LARS2: variants seen among roughly 807,000 people sequenced by gnomAD.
LARS2 encodes the protein leucyl-tRNA synthetase 2, mitochondrial.
LARS2 carries 81 observed loss-of-function variants against 116.6 expected under a neutral mutation model. That is an observed-to-expected ratio of 0.69 (90% CI 0.58 to 0.84). LARS2 has a LOEUF of 0.84. Ranked by LOEUF, LARS2 falls within the 40% of genes least tolerant of loss-of-function variation. LARS2 has a pLI of 0.00. For missense variants in LARS2, 968 were observed against 1,114.5 expected (o/e 0.87, Z 1.87); for synonymous variants, 396 against 407.2 (o/e 0.97, Z 0.33).
At chr3:45,497,695 T>C (rs1160034233) in intron 14 of LARS2, among the ~76,000 whole-genome samples, 1 of 151,888 alleles carries the variant, frequency 6.6e-6, no homozygotes, top group East Asian at 1.9e-4. Flanking sequence ...TCACCTGAGG[T>C]CAGGAGTTGG....
At chr3:45,464,197 T>C (rs1384516700) in intron 8 of LARS2, among the ~76,000 whole-genome samples, 3 of 152,008 alleles carry the variant, frequency 2.0e-5, no homozygotes, top group Non-Finnish European at 4.4e-5. Flanking sequence ...CATGCACACA[T>C]GGGGCTGGAG....
intron 13 of LARS2, among the ~76,000 whole-genome samples, chr3:45,493,367 G>T (rs1284310722): frequency 6.6e-6 from 1 of 152,180 alleles, no homozygotes; most frequent in Middle Eastern, 3.2e-3. Context: ...CCAAAGTGCT[G>T]GGATTACAGG....
chr3:45,514,179 C>G (rs1700336158), intron 16 of LARS2, among the ~76,000 whole-genome samples: 1 of 151,570 alleles, frequency 6.6e-6, no homozygotes, highest in Admixed American at 6.6e-5. Flanking sequence ...GCACTCCAGC[C>G]TGGGCAACAG....
At chr3:45,401,327 C>A (rs1167247745) in intron 4 of LARS2, among the ~76,000 whole-genome samples, 1 of 151,876 alleles carries the variant, frequency 6.6e-6, no homozygotes, top group African/African-American at 2.4e-5. Context: ...TGTAGCAAAA[C>A]CCTGTCTCCA....
intron 6 of LARS2, among the ~76,000 whole-genome samples, chr3:45,439,360 A>G (rs1255460585): frequency 1.3e-5 from 2 of 151,794 alleles, no homozygotes; most frequent in Admixed American, 1.3e-4. Flanking sequence ...AGCTGGGATT[A>G]CAGGCGCCCA....
intron 17 of LARS2, among the ~76,000 whole-genome samples, chr3:45,516,865 C>T (rs1700375880): frequency 6.6e-6 from 1 of 152,074 alleles, no homozygotes; most frequent in Non-Finnish European, 1.5e-5. Flanking sequence ...TTGTTTAGTA[C>T]TAAAATGACA....
chr3:45,468,587 A>G (rs1699473308), intron 8 of LARS2, among the ~76,000 whole-genome samples: 1 of 152,192 alleles, frequency 6.6e-6, no homozygotes. Context: ...TTTGGCCTTC[A>G]TCGTCTGCAT....
chr3:45,494,382 GC>G (rs1440630760), intron 13 of LARS2, among the ~76,000 whole-genome samples: 1 of 152,140 alleles, frequency 6.6e-6, no homozygotes, highest in African/African-American at 2.4e-5. Context: ...ATACACTCAA[GC>G]CCATACATGC....
chr3:45,435,915 T>A (rs1225289547), intron 6 of LARS2, among the ~76,000 whole-genome samples: 1 of 152,036 alleles, frequency 6.6e-6, no homozygotes, highest in Non-Finnish European at 1.5e-5. Flanking sequence ...AAGTAGAAGA[T>A]CAGCATGTGT....
intron 3 of LARS2, among the ~76,000 whole-genome samples, chr3:45,394,888 G>A (rs117629080): frequency 6.6e-6 from 1 of 152,172 alleles, no homozygotes; most frequent in African/African-American, 2.4e-5. Context: ...AGGGGTAAAT[G>A]GATTGGGAGG....
chr3:45,442,660 G>C (rs1698932579), intron 6 of LARS2, among the ~76,000 whole-genome samples: 1 of 152,224 alleles, frequency 6.6e-6, no homozygotes, highest in African/African-American at 2.4e-5. Flanking sequence ...TTGGTAGAAG[G>C]CTTGGTGGTC....
rs373938475 is a variant in LARS2, at chr3:45,417,228, A to G, written c.364-254A>G. Among the ~76,000 whole-genome samples the G allele has an allele frequency of 2.5e-4, 38 of 152,310 alleles. No individual in the cohort carries two copies. The East Asian group carries it at 6.0e-3, about 24-fold the overall frequency. ...TGGGTTCAATATAGAGACTATAGAA[A>G]AGAAGAAAATAAAAAGTACTCATGA... On this transcript the variant is annotated intron_variant, in intron 4 of 21. Transcript: ENST00000645846.
At chr3:45,475,049 A>AT (rs1297007940) in intron 9 of LARS2, among the ~76,000 whole-genome samples, 2 of 151,986 alleles carry the variant, frequency 1.3e-5, no homozygotes, top group Admixed American at 6.6e-5. Context: ...TTCTATTGAT[A>AT]TTTTTTTTAC....
Position 45,517,962 on chromosome 3 carries a change from T to C in LARS2, c.2104T>C (p.Phe702Leu), listed in dbSNP as rs1487611126. The C allele has an allele frequency of 6.2e-7, 1 of 1,613,974 alleles. No homozygotes were observed. The highest frequency in any genetic ancestry group is 1.1e-5 in the South Asian group (1 of 91,062). Residue 702 changes from phenylalanine (F) to leucine (L), a missense_variant, in exon 18 of 22, where the codon TTT (phenylalanine) becomes CTT (leucine). Transcript: ENST00000645846. Reference protein sequence around the residue: ...QQRLWTLTTRFIEARASGKSP... With the variant: ...QQRLWTLTTRLIEARASGKSP... The stretch of plus-strand genomic sequence containing the variant: ...ACGACTGTGGACCTTGACAACTCGG[T>C]TTATTGAGGCCAGGGCTTCTGGGAA...
chr3:45,513,458 A>G (rs1257406746), intron 16 of LARS2, among the ~76,000 whole-genome samples: 3 of 152,206 alleles, frequency 2.0e-5, no homozygotes, highest in African/African-American at 7.2e-5. Context: ...CCTTCAGCCA[A>G]AGTGCCACCT....
chr3:45,544,210 A>G (rs1559502703), intron 21 of LARS2, among the ~76,000 whole-genome samples: 1 of 152,252 alleles, frequency 6.6e-6, no homozygotes, highest in African/African-American at 2.4e-5. Context: ...CTCTGCCCAC[A>G]CCAGGGATAC....
chr3:45,399,364 G>A (rs569124453), intron 3 of LARS2, among the ~76,000 whole-genome samples: 46 of 152,254 alleles, frequency 3.0e-4, no homozygotes, highest in Non-Finnish European at 6.3e-4. Context: ...TTCAACTATT[G>A]CTTCTTTGAA....
At chr3:45,520,076 C>T (rs988482817) in intron 18 of LARS2, 143 bp from the exon 19 acceptor site, 10 of 628,062 alleles carry the variant, frequency 1.6e-5, no homozygotes, top group South Asian at 1.5e-4. Context: ...TGAAACATAG[C>T]GATTATTTGA....
In LARS2 at chr3:45,516,326, A is replaced by G. The variant is rs200533609; in HGVS notation, c.2044+50A>G. ...TTGCTTCCTTTGTGATCTGCCCTGGACTTTGAAGGAGTTTGAGGAAGGAAA... is the reference window on the plus strand; with the variant it reads ...TTGCTTCCTTTGTGATCTGCCCTGGGCTTTGAAGGAGTTTGAGGAAGGAAA... On this transcript the variant is annotated intron_variant, in intron 17 of 21. Coordinates refer to ENST00000645846, the MANE Select transcript of LARS2 (RefSeq NM_015340.4). 2.6e-6 allele frequency: 4 copies of G among 1,545,080 alleles called. No individual in the cohort carries two copies. In the South Asian group the frequency reaches 4.8e-5, roughly 19 times the overall value.
Sources: gnomAD v4.1 joint callset for allele counts (sites outside exome capture counted in the v4.1 genomes callset) on GRCh38, gnomAD v4.1.1 for gene constraint, MANE v1.5 for transcripts, NCBI Gene and HGNC (gene_info 2026-07-23, HGNC 2026-07-21) for gene names.